Variants in PCP4 observed in about 807,000 individuals in gnomAD.
The protein encoded by PCP4 is Purkinje cell protein 4.
A neutral mutation model predicts 10.0 loss-of-function variants in PCP4; 8 were observed. The ratio of observed to expected loss-of-function variants is 0.80; its 90% CI spans 0.47 to 1.45. The LOEUF is 1.45. PCP4 is among the 40% of genes most tolerant of loss of function. The pLI is 0.00. For missense variants in PCP4, 54 were observed against 74.4 expected (o/e 0.73, Z 1.01); for synonymous variants, 21 against 23.0 (o/e 0.91, Z 0.24).
chr21:39,892,726 C>A (rs2087438874), intron 1 of PCP4, among the ~76,000 whole-genome samples: 1 of 152,130 alleles, frequency 6.6e-6, no homozygotes, highest in Non-Finnish European at 1.5e-5. Flanking sequence ...CAAGTACACT[C>A]TTTAAATTGT....
intron 1 of PCP4, among the ~76,000 whole-genome samples, chr21:39,887,489 C>T (rs540246205): frequency 9.9e-4 from 151 of 152,012 alleles, no homozygotes; most frequent in African/African-American, 3.4e-3. Context: ...ATATCACTGG[C>T]GAGAAATTAA....
intron 1 of PCP4, among the ~76,000 whole-genome samples, chr21:39,882,322 G>A (rs2146328953): frequency 6.6e-6 from 1 of 152,326 alleles, no homozygotes; most frequent in South Asian, 2.1e-4. Flanking sequence ...AGATCATTCA[G>A]GATGGATGAC....
At chr21:39,870,060 C>A (rs2087312429) in intron 1 of PCP4, among the ~76,000 whole-genome samples, 1 of 152,198 alleles carries the variant, frequency 6.6e-6, no homozygotes, top group South Asian at 2.1e-4. Flanking sequence ...TGGAGAGGAC[C>A]CCAAAGTGTC....
At chr21:39,879,738 T>A (rs561998527) in intron 1 of PCP4, among the ~76,000 whole-genome samples, 4 of 152,340 alleles carry the variant, frequency 2.6e-5, no homozygotes, top group African/African-American at 9.6e-5. Flanking sequence ...CCCGCCCTGC[T>A]GGCCCCCTCT....
intron 1 of PCP4, among the ~76,000 whole-genome samples, chr21:39,887,919 TATTA>T (rs1182400338): frequency 2.0e-5 from 3 of 152,122 alleles, no homozygotes; most frequent in Non-Finnish European, 4.4e-5. Flanking sequence ...CTGTGTGGGG[TATTA>T]ATTGTGCGAG....
At chr21:39,920,065 GT>G in intron 2 of PCP4, among the ~76,000 whole-genome samples, 1 of 143,242 alleles carries the variant, frequency 7.0e-6, no homozygotes, top group Middle Eastern at 4.1e-3. Context: ...TGTAGGGTGT[GT>G]TTGTGTGTGT....
intron 2 of PCP4, among the ~76,000 whole-genome samples, chr21:39,903,474 T>C (rs80073253): frequency 0.14 from 20,744 of 152,088 alleles, 1,628 homozygotes; most frequent in Middle Eastern, 0.23. Context: ...TTGCACAAGC[T>C]CGGGCTCCAT....
chr21:39,891,122 T>C (rs1184391401), intron 1 of PCP4, among the ~76,000 whole-genome samples: 1 of 152,172 alleles, frequency 6.6e-6, no homozygotes, highest in Non-Finnish European at 1.5e-5. Context: ...ATGTGGTCTG[T>C]TCAACTAGCA....
intron 2 of PCP4, among the ~76,000 whole-genome samples, chr21:39,905,573 TTTTG>T (rs2087502964): frequency 6.6e-6 from 1 of 152,116 alleles, no homozygotes; most frequent in Non-Finnish European, 1.5e-5. Flanking sequence ...AAGAGTGACT[TTTTG>T]TTTGTTTTGC....
intron 1 of PCP4, among the ~76,000 whole-genome samples, chr21:39,874,793 C>G (rs1256415636): frequency 6.6e-6 from 1 of 151,980 alleles, no homozygotes; most frequent in Non-Finnish European, 1.5e-5. Flanking sequence ...AGTAGCTCCC[C>G]CTTATCTTCA....
intron 2 of PCP4, among the ~76,000 whole-genome samples, chr21:39,913,851 AT>A (rs1163086113): frequency 2.0e-5 from 3 of 152,180 alleles, no homozygotes; most frequent in Non-Finnish European, 4.4e-5. Context: ...AAGGCTTGTA[AT>A]CCCTGGAAAT....
At chr21:39,877,513 C>A (rs2087351867) in intron 1 of PCP4, among the ~76,000 whole-genome samples, 1 of 150,864 alleles carries the variant, frequency 6.6e-6, no homozygotes, top group Admixed American at 6.6e-5. Flanking sequence ...ATGGCGAAAC[C>A]CCGTCTCTAC....
At chr21:39,879,916 A>G (rs1480552848) in intron 1 of PCP4, among the ~76,000 whole-genome samples, 1 of 152,204 alleles carries the variant, frequency 6.6e-6, no homozygotes, top group Non-Finnish European at 1.5e-5. Flanking sequence ...ACAGCAACAT[A>G]TCAGACCAAG....
intron 2 of PCP4, among the ~76,000 whole-genome samples, chr21:39,915,316 A>C (rs925002638): frequency 1.3e-5 from 2 of 152,220 alleles, no homozygotes; most frequent in Admixed American, 1.3e-4. Context: ...GGATGCACGT[A>C]AGCAAAAGAT....
intron 1 of PCP4, among the ~76,000 whole-genome samples, chr21:39,880,526 A>G (rs2087370559): frequency 1.3e-5 from 2 of 152,166 alleles, no homozygotes; most frequent in African/African-American, 4.8e-5. Context: ...AAGGCCATAT[A>G]AATGCTAAAC....
At chr21:39,911,694 A>T (rs2087540811) in intron 2 of PCP4, among the ~76,000 whole-genome samples, 1 of 152,252 alleles carries the variant, frequency 6.6e-6, no homozygotes, top group Admixed American at 6.5e-5. Flanking sequence ...ATACTGAGTT[A>T]TAGCTGTTTC....
chr21:39,927,323 A>ATCTG (rs1568863777), intron 2 of PCP4, among the ~76,000 whole-genome samples: 2 of 28,228 alleles, frequency 7.1e-5, no homozygotes, highest in East Asian at 6.0e-4. Flanking sequence ...TCTATCTATC[A>ATCTG]TCTATCTATC....
intron 1 of PCP4, among the ~76,000 whole-genome samples, chr21:39,892,722 C>T (rs1049114043): frequency 3.9e-5 from 6 of 152,088 alleles, no homozygotes; most frequent in Non-Finnish European, 7.4e-5. Flanking sequence ...AATTCAAGTA[C>T]ACTCTTTAAA....
intron 1 of PCP4, among the ~76,000 whole-genome samples, chr21:39,884,422 G>A (rs998042095): frequency 1.3e-5 from 2 of 151,734 alleles, no homozygotes; most frequent in Admixed American, 6.6e-5. Flanking sequence ...CAGGTGATCC[G>A]CCTGTCTCAG....
Sources: gnomAD v4.1 joint callset for allele counts (sites outside exome capture counted in the v4.1 genomes callset) on GRCh38, gnomAD v4.1.1 for gene constraint, MANE v1.5 for transcripts, NCBI Gene and HGNC (gene_info 2026-07-23, HGNC 2026-07-21) for gene names.